Variants in EXT2 observed in about 807,000 individuals in gnomAD.
The protein encoded by EXT2 is exostosin glycosyltransferase 2, also known as exostosin-2.
A neutral mutation model predicts 81.6 loss-of-function variants in EXT2; 53 were observed. The ratio of observed to expected loss-of-function variants is 0.65; its 90% CI spans 0.52 to 0.82. EXT2 has a LOEUF of 0.82. EXT2 is among the 40% of genes least tolerant of loss of function. The pLI is 0.00. For missense variants in EXT2, 774 were observed against 910.2 expected (o/e 0.85, Z 1.93); for synonymous variants, 320 against 340.0 (o/e 0.94, Z 0.65).
chr11:44,176,756 G>A (rs989969104), intron 8 of EXT2, among the ~76,000 whole-genome samples: 37 of 152,022 alleles, frequency 2.4e-4, no homozygotes, highest in African/African-American at 8.7e-4. Flanking sequence ...ACATTCCGAG[G>A]TGGGAGTAGG....
At chr11:44,111,837 C>T (rs569987710) in intron 3 of EXT2, among the ~76,000 whole-genome samples, 5 of 152,292 alleles carry the variant, frequency 3.3e-5, no homozygotes, top group African/African-American at 9.6e-5. Flanking sequence ...TTGTGTGAAT[C>T]TCTGCATGAT....
chr11:44,104,244 A>C (rs1954023928), intron 1 of EXT2, among the ~76,000 whole-genome samples: 1 of 152,180 alleles, frequency 6.6e-6, no homozygotes, highest in African/African-American at 2.4e-5. Flanking sequence ...ATAACAGAGT[A>C]GAAAAATGGA....
chr11:44,206,815 G>T lies in EXT2; in HGVS notation c.1518G>T (p.Arg506=), dbSNP rs747230848. 24 of 1,613,854 alleles carry T rather than the reference G, an allele frequency of 1.5e-5. No individual in the cohort carries two copies. Among genetic ancestry groups the T allele is most frequent in the Non-Finnish European group, 1.9e-5 (23 of 1,179,974 alleles). Residue 506 remains arginine, a synonymous_variant, in exon 10 of 14, where the codon CGG becomes CGT. Transcript: ENST00000533608. The stretch of plus-strand genomic sequence containing the variant: ...CAGATTCTCTCTGGCCCAAAATCCG[G>T]GTTCCATTAAAAGTTGTGAGGACTG... The part of the protein sequence containing the change: ...PPEDSLWPKI[R]VPLKVVRTAE...
At chr11:44,212,346 A>C (rs1184208887) in intron 10 of EXT2, among the ~76,000 whole-genome samples, 7 of 143,420 alleles carry the variant, frequency 4.9e-5, no homozygotes, top group South Asian at 2.3e-4. Flanking sequence ...TAAATAAATA[A>C]ATACAGGATG....
At chr11:44,131,587 C>A (rs1180442316) in intron 7 of EXT2, among the ~76,000 whole-genome samples, 1 of 152,120 alleles carries the variant, frequency 6.6e-6, no homozygotes, top group Non-Finnish European at 1.5e-5. Flanking sequence ...CTGGGTTTCC[C>A]AATTGTTATT....
At chr11:44,152,928 G>A (rs1382719170) in intron 7 of EXT2, among the ~76,000 whole-genome samples, 2 of 152,142 alleles carry the variant, frequency 1.3e-5, no homozygotes, top group South Asian at 2.1e-4. Flanking sequence ...GATGACTGTA[G>A]CTTTATTTTA....
chr11:44,231,845 A>G (rs1224691070), intron 10 of EXT2, among the ~76,000 whole-genome samples: 1 of 152,204 alleles, frequency 6.6e-6, no homozygotes, highest in African/African-American at 2.4e-5. Flanking sequence ...AGATTACAGA[A>G]TCAGACAGCC....
At chr11:44,212,169 C>A (rs532914954) in intron 10 of EXT2, among the ~76,000 whole-genome samples, 396 of 151,980 alleles carry the variant, frequency 2.6e-3, no homozygotes, top group African/African-American at 8.9e-3. Flanking sequence ...CCTGTAATCC[C>A]AGCTACTCAG....
intron 7 of EXT2, among the ~76,000 whole-genome samples, chr11:44,135,390 C>CTTTT (rs10707708): frequency 1.7e-5 from 2 of 116,312 alleles, no homozygotes; most frequent in African/African-American, 6.1e-5. Context: ...GATGGAAATA[C>CTTTT]TTTTTTTTTT....
intron 7 of EXT2, among the ~76,000 whole-genome samples, chr11:44,136,374 C>T (rs1177013078): frequency 1.3e-5 from 2 of 152,234 alleles, no homozygotes; most frequent in Non-Finnish European, 2.9e-5. Flanking sequence ...CAAGACCACA[C>T]AGCATGTGAG....
At chr11:44,189,425 A>T (rs1261211691) in intron 8 of EXT2, among the ~76,000 whole-genome samples, 1 of 152,354 alleles carries the variant, frequency 6.6e-6, no homozygotes, top group Middle Eastern at 3.4e-3. Flanking sequence ...TGGATAATTT[A>T]GAAAGAAAAG....
chr11:44,226,340 T>A (rs758396114), intron 10 of EXT2, among the ~76,000 whole-genome samples: 1 of 152,206 alleles, frequency 6.6e-6, no homozygotes. Flanking sequence ...TCTTAATCCA[T>A]AATGCAGTTT....
At position 44,215,908 on chromosome 11, in the gene EXT2, C is replaced by T. The variant is rs1474782187; in HGVS notation, c.1662+8949C>T. ...TTTTTGAGACGGAGTCTCGCTCTGTCGCCCAGGTCGGACTGCGGACTGCAG... is the reference window on the plus strand; with the variant it reads ...TTTTTGAGACGGAGTCTCGCTCTGTTGCCCAGGTCGGACTGCGGACTGCAG... On this transcript the variant is annotated intron_variant, in intron 10 of 13. Transcript: ENST00000533608. Among the ~76,000 whole-genome samples the T allele has an allele frequency of 2.2e-5, 3 of 138,866 alleles. No individual in the cohort carries two copies. The Admixed American group carries it at 2.4e-4, about 11-fold the overall frequency. 91.1% of individuals were successfully genotyped at this position (138,866 alleles called of 152,430 possible).
chr11:44,250,714 G>T lies in EXT2; in HGVS notation c.*6427G>T, dbSNP rs943854875. On this transcript the variant is annotated 3_prime_UTR_variant, in exon 14 of 14. Transcript: ENST00000533608. ...GGAGTCCAGAGAGCGTCCATCCGGTGCCTGGTGAGGGCCCTGCATGGCTGG... is the reference window on the plus strand; with the variant it reads ...GGAGTCCAGAGAGCGTCCATCCGGTTCCTGGTGAGGGCCCTGCATGGCTGG... Among the ~76,000 whole-genome samples, 4 of 152,220 alleles carry T rather than the reference G, an allele frequency of 2.6e-5. No homozygotes were observed. The highest frequency in any genetic ancestry group is 6.5e-5 in the Admixed American group (1 of 15,288).
intron 8 of EXT2, among the ~76,000 whole-genome samples, chr11:44,177,250 A>T (rs1202811627): frequency 6.6e-6 from 1 of 152,240 alleles, no homozygotes; most frequent in Non-Finnish European, 1.5e-5. Flanking sequence ...TTAGCTGTTC[A>T]TGTTAAGGCT....
At chr11:44,165,915 A>G (rs1954988296) in intron 7 of EXT2, among the ~76,000 whole-genome samples, 2 of 152,304 alleles carry the variant, frequency 1.3e-5, no homozygotes, top group Admixed American at 1.3e-4. Context: ...GTTAGGAGTC[A>G]TGGATTTGGA....
At chr11:44,196,582 TTTTTC>T in intron 8 of EXT2, among the ~76,000 whole-genome samples, 1 of 152,288 alleles carries the variant, frequency 6.6e-6, no homozygotes, top group Admixed American at 6.5e-5. Flanking sequence ...ATCCTGACCT[TTTTTC>T]CCCCGACTGA....
chr11:44,250,711 G>A lies in EXT2; in HGVS notation c.*6424G>A, dbSNP rs1477789231. 6.6e-6 allele frequency among the ~76,000 whole-genome samples: 1 copy of A among 152,176 alleles called. No individual in the cohort carries two copies. Among genetic ancestry groups the A allele is most frequent in the Non-Finnish European group, 1.5e-5 (1 of 68,040 alleles). The stretch of plus-strand genomic sequence containing the variant: ...TGAGGAGTCCAGAGAGCGTCCATCC[G>A]GTGCCTGGTGAGGGCCCTGCATGGC... On this transcript the variant is annotated 3_prime_UTR_variant, in exon 14 of 14. Coordinates refer to ENST00000533608, the MANE Select transcript of EXT2 (RefSeq NM_207122.2).
rs556264776 is a variant in EXT2, at chr11:44,239,507, C to T, written c.2018+3132C>T. Among the ~76,000 whole-genome samples the T allele has an allele frequency of 3.2e-4, 48 of 151,406 alleles. No individual in the cohort carries two copies. The South Asian group carries it at 3.4e-3, about 11-fold the overall frequency. The stretch of plus-strand genomic sequence containing the variant: ...TCCCAGGTTCAAGTGATTCTCCTGC[C>T]TCCACCTCCCGAGCAGCTGGGACTA... On this transcript the variant is annotated intron_variant, in intron 13 of 13. Transcript: ENST00000533608.
Sources: allele counts gnomAD v4.1 joint callset (sites outside exome capture counted in the v4.1 genomes callset), GRCh38; gene constraint gnomAD v4.1.1; transcripts MANE v1.5; gene names NCBI Gene and HGNC (gene_info 2026-07-23, HGNC 2026-07-21).